PACS1: variants seen among roughly 807,000 people sequenced by gnomAD.
PACS1 encodes the protein phosphofurin acidic cluster sorting protein 1, also known as PACS-1.
Under a neutral mutation model 115.0 loss-of-function variants are expected in PACS1, and 24 were observed. The observed-to-expected ratio is 0.21, with a 90% CI of 0.15 to 0.29. The LOEUF (loss-of-function observed/expected upper bound fraction) is 0.29. PACS1 is among the 10% of genes least tolerant of loss of function. The probability of loss-of-function intolerance (pLI) is 1.00; values close to 1 mark genes in which losing one functional copy is unlikely to be tolerated. For missense variants in PACS1, 838 were observed against 1,251.2 expected (o/e 0.67, Z 4.98); for synonymous variants, 453 against 504.5 (o/e 0.90, Z 1.37).
At chr11:66,113,345 T>G (rs564801570) in intron 1 of PACS1, among the ~76,000 whole-genome samples, 16 of 152,224 alleles carry the variant, frequency 1.1e-4, no homozygotes, top group Non-Finnish European at 2.2e-4. Context: ...CATTCCTGTT[T>G]CTGAATCAGT....
At position 66,234,183 on chromosome 11, in the gene PACS1, G is replaced by T; in HGVS notation, c.2045G>T (p.Ser682Ile). 6.2e-7 allele frequency: 1 copy of T among 1,614,130 alleles called. No homozygotes were observed. The highest frequency in any genetic ancestry group is 8.5e-7 in the Non-Finnish European group (1 of 1,179,982). Residue 682 changes from serine to isoleucine, a missense_variant, in exon 17 of 24, where the codon AGT becomes ATT. Transcript: ENST00000320580. ...YLGSVDSKYS[S>I]SFLDSGWRDL... Reference sequence around the variant, plus strand: ...GGGTCAGTCGACAGTAAATACAGTAGTTCCTTCCTGGATTCTGGTTGGAGA... The same window carrying T: ...GGGTCAGTCGACAGTAAATACAGTATTTCCTTCCTGGATTCTGGTTGGAGA...
At chr11:66,110,086 C>T (rs1437322541) in intron 1 of PACS1, among the ~76,000 whole-genome samples, 1 of 152,114 alleles carries the variant, frequency 6.6e-6, no homozygotes, top group Non-Finnish European at 1.5e-5. Flanking sequence ...TTACTTTAAA[C>T]GGATCTGGTG....
chr11:66,194,531 T>G (rs495684), intron 2 of PACS1, among the ~76,000 whole-genome samples: 146,701 of 152,228 alleles, frequency 0.96, 70,908 homozygotes, highest in Middle Eastern at 1. Context: ...CGACAGAACT[T>G]GGACCAGAAA....
Position 66,070,549 on chromosome 11 carries a change from G to A in PACS1, c.63G>A (p.Arg21=). The A allele has an allele frequency of 2.1e-6, 3 of 1,399,066 alleles. No homozygotes were observed. Among genetic ancestry groups the A allele is most frequent in the Non-Finnish European group, 2.8e-6 (3 of 1,084,580 alleles). 86.7% of individuals were successfully genotyped at this position (1,399,066 alleles called of 1,614,324 possible). ...PGGAGGGSGQ[R]GSGVAQSPQQ... is the part of the protein sequence containing the mutation. ...GCGCCGGGGGCGGCAGCGGCCAGCG[G>A]GGATCCGGGGTCGCCCAGTCCCCTC... Residue 21 remains arginine (R), a synonymous_variant, in exon 1 of 24, where the codon CGG becomes CGA. Coordinates refer to ENST00000320580, the MANE Select transcript of PACS1 (RefSeq NM_018026.4). This position sits in a 1 kb window ranked among gnomAD's most constrained non-coding sequence, Gnocchi z 5.9.
At chr11:66,191,441 G>A (rs1387125861) in intron 1 of PACS1, among the ~76,000 whole-genome samples, 1 of 152,076 alleles carries the variant, frequency 6.6e-6, no homozygotes, top group East Asian at 1.9e-4. Context: ...GTGGGGGCTG[G>A]GTATTTGGTC....
chr11:66,196,174 T>C (rs1489056843), intron 2 of PACS1, among the ~76,000 whole-genome samples: 1 of 152,184 alleles, frequency 6.6e-6, no homozygotes, highest in African/African-American at 2.4e-5. Context: ...TGGAATGAGC[T>C]GTTTGTGCCA....
chr11:66,211,337 C>T, intron 4 of PACS1, 78 bp downstream of exon 4: 1 of 1,490,964 alleles, frequency 6.7e-7, no homozygotes, highest in African/African-American at 1.4e-5. Context: ...GCCAGTTGAG[C>T]CTTCCAGATG....
Position 66,090,395 on chromosome 11 carries a change from C to T in PACS1, c.356+19553C>T, listed in dbSNP as rs987999279. ...CCGAGCAATCCTCCCATCTCAGCCT[C>T]GGAAGTAGCTGGGACTACAGGCCCG... On this transcript the variant is annotated intron_variant, in intron 1 of 23. Transcript: ENST00000320580. Among the ~76,000 whole-genome samples, 8 of 151,298 alleles carry T rather than the reference C, an allele frequency of 5.3e-5. No individual in the cohort carries two copies. The East Asian group carries it at 1.2e-3, about 22-fold the overall frequency.
chr11:66,078,536 G>A (rs1336625727), intron 1 of PACS1, among the ~76,000 whole-genome samples: 2 of 152,158 alleles, frequency 1.3e-5, no homozygotes, highest in Non-Finnish European at 2.9e-5. Context: ...GTCTCTGAAG[G>A]ATTTTAGACT....
At chr11:66,238,453 C>A in intron 19 of PACS1, 1 of 475,776 alleles carries the variant, frequency 2.1e-6, no homozygotes, top group Non-Finnish European at 2.9e-6. Context: ...GTTTCTACAG[C>A]TGGGCTGCTC....
Position 66,216,733 on chromosome 11 carries a change from G to C in PACS1, c.936G>C (p.Lys312Asn), listed in dbSNP as rs1236447091. The C allele has an allele frequency of 1.2e-6, 2 of 1,614,030 alleles. No homozygotes were observed. Reference sequence around the variant, plus strand: ...AAGACGAAGATCTCCGGAAAGTGAAGAAGACCCGGAGGAAACTAACCTCAA... The same window carrying C: ...AAGACGAAGATCTCCGGAAAGTGAACAAGACCCGGAGGAAACTAACCTCAA... ...FYEDEDLRKV[K>N]KTRRKLTSTS... is the part of the protein sequence containing the mutation. Residue 312 changes from lysine to asparagine, a missense_variant, in exon 7 of 24, where the codon AAG (lysine) becomes AAC (asparagine). This residue lies in a region of PACS1 where 223 missense variants were observed against 354.0 expected (regional missense o/e 0.63). Coordinates refer to ENST00000320580, the MANE Select transcript of PACS1 (RefSeq NM_018026.4).
chr11:66,113,050 A>G, intron 1 of PACS1, among the ~76,000 whole-genome samples: 1 of 152,204 alleles, frequency 6.6e-6, no homozygotes, highest in African/African-American at 2.4e-5. Context: ...AGGATGGGAG[A>G]GGGTTGACTG....
chr11:66,080,318 C>T (rs940986824), intron 1 of PACS1, among the ~76,000 whole-genome samples: 1 of 152,058 alleles, frequency 6.6e-6, no homozygotes, highest in African/African-American at 2.4e-5. Context: ...GGTGTGCTTT[C>T]TGGTGGGGGT....
intron 13 of PACS1, among the ~76,000 whole-genome samples, chr11:66,231,354 G>A (rs1855589301): frequency 1.3e-5 from 2 of 152,222 alleles, no homozygotes; most frequent in Non-Finnish European, 2.9e-5. Context: ...ATTGCTGTGG[G>A]CGGTCATCGT....
intron 1 of PACS1, among the ~76,000 whole-genome samples, chr11:66,132,451 G>T (rs1858725658): frequency 6.6e-6 from 1 of 152,126 alleles, no homozygotes; most frequent in South Asian, 2.1e-4. Context: ...AAAATCCACA[G>T]ATGCTTAAGT....
intron 4 of PACS1, among the ~76,000 whole-genome samples, chr11:66,212,617 A>G (rs1279954574): frequency 1.3e-5 from 2 of 151,996 alleles, no homozygotes; most frequent in Non-Finnish European, 2.9e-5. Context: ...TTTTTCCACC[A>G]CAAAGTTAAT....
intron 2 of PACS1, among the ~76,000 whole-genome samples, chr11:66,204,802 C>T (rs1365199936): frequency 1.3e-5 from 2 of 151,896 alleles, no homozygotes; most frequent in African/African-American, 4.8e-5. Flanking sequence ...TATGGGCAGT[C>T]GGGCAGTGAT....
chr11:66,074,021 A>G lies in PACS1; in HGVS notation c.356+3179A>G, dbSNP rs1035940024. Among the ~76,000 whole-genome samples, 8 of 150,404 alleles carry G rather than the reference A, an allele frequency of 5.3e-5. 1 individual carries two copies. In the South Asian group the frequency reaches 1.7e-3, roughly 31 times the overall value. ...AACTGTCCTCCTACCTCGGACTCCC[A>G]AAGTGCTGAGATTACAGGTGTGAGC... On this transcript the variant is annotated intron_variant, in intron 1 of 23. Coordinates refer to ENST00000320580, the MANE Select transcript of PACS1 (RefSeq NM_018026.4).
chr11:66,196,345 G>C (rs1174514097), intron 2 of PACS1, among the ~76,000 whole-genome samples: 1 of 152,240 alleles, frequency 6.6e-6, no homozygotes, highest in Non-Finnish European at 1.5e-5. Context: ...GATGAGATGG[G>C]ACGTGTACAC....
Sources: gnomAD v4.1 joint callset for allele counts (sites outside exome capture counted in the v4.1 genomes callset) on GRCh38, gnomAD v4.1.1 for gene constraint, gnomAD v4.1.1 regional missense constraint, Gnocchi (gnomAD v3.1) non-coding constraint, MANE v1.5 for transcripts, NCBI Gene and HGNC (gene_info 2026-07-23, HGNC 2026-07-21) for gene names.